BCR: variants seen among roughly 807,000 people sequenced by gnomAD.
BCR encodes BCR activator of RhoGEF and GTPase, also known as breakpoint cluster region protein.
A neutral mutation model predicts 138.6 loss-of-function variants in BCR; 58 were observed. The ratio of observed to expected loss-of-function variants is 0.42; its 90% CI spans 0.34 to 0.52. The LOEUF (loss-of-function observed/expected upper bound fraction) is 0.52. Among genes scored for constraint, BCR ranks in the 20% least tolerant of loss-of-function variants. The pLI, the probability that BCR is intolerant of heterozygous loss-of-function variation, is 0.06. For missense variants in BCR, 1,599 were observed against 1,727.2 expected, an observed-to-expected ratio of 0.93 and a Z score of 1.32; for synonymous variants, 786 against 730.1, an observed-to-expected ratio of 1.08 and a Z score of -1.23.
In BCR at chr22:23,309,439, C is replaced by T. The variant is rs1215998192; in HGVS notation, c.3028C>T (p.Leu1010=). The T allele has an allele frequency of 4.4e-6, 7 of 1,603,532 alleles. No individual in the cohort carries two copies. The East Asian group carries it at 6.7e-5, about 15-fold the overall frequency. Residue 1010 remains leucine, a synonymous_variant, in exon 17 of 23, where the codon CTG becomes TTG. Transcript: ENST00000305877. ...TTCCTTTCAGCTGGACCCGCAGGCCCTGCAGGACAGAGACTGGCAGCGCAC... is the reference window on the plus strand; with the variant it reads ...TTCCTTTCAGCTGGACCCGCAGGCCTTGCAGGACAGAGACTGGCAGCGCAC... ...KGQVQLDPQA[L]QDRDWQRTVI...
Position 23,181,939 on chromosome 22 carries a change from G to GGC in BCR, c.980_981dup (p.Tyr328AlafsTer172). On this transcript the variant is annotated frameshift_variant, in exon 1 of 23. Coordinates refer to ENST00000305877, the MANE Select transcript of BCR (RefSeq NM_004327.4). LOFTEE classifies it high-confidence loss of function. ...CCGGAGTTTTGAGGATTGCGGAGGC[G>GGC]GCTATACCCCGGACTGCAGCTCCAA... 1.9e-6 allele frequency: 3 copies of GGC among 1,613,046 alleles called. No homozygotes were observed. Among genetic ancestry groups the GGC allele is most frequent in the Non-Finnish European group, 2.5e-6 (3 of 1,179,912 alleles).
At chr22:23,214,487 G>C (rs2072726015) in intron 1 of BCR, among the ~76,000 whole-genome samples, 1 of 152,230 alleles carries the variant, frequency 6.6e-6, no homozygotes, top group African/African-American at 2.4e-5. Context: ...GGCAGCCCCA[G>C]CCTTCCACCT....
chr22:23,199,628 G>A (rs950403273), intron 1 of BCR, among the ~76,000 whole-genome samples: 1 of 152,172 alleles, frequency 6.6e-6, no homozygotes, highest in Non-Finnish European at 1.5e-5. Context: ...GAAGGTATTG[G>A]TAGGACTGGG....
In BCR at chr22:23,262,927, C is replaced by A. The variant is rs3747101; in HGVS notation, c.1752+1387C>A. ...GCGAGGACACGCCCAAGAGAGGAAG[C>A]AGAGGGAGGCGGAAGCGTGGAGGAA... On this transcript the variant is annotated intron_variant, in intron 4 of 22. Coordinates refer to ENST00000305877, the MANE Select transcript of BCR (RefSeq NM_004327.4). 4.8e-4 allele frequency: 529 copies of A among 1,102,078 alleles called. 7 individuals are homozygous for A. In the East Asian group the frequency reaches 0.024, roughly 51 times the overall value. 68.3% of individuals were successfully genotyped at this position (1,102,078 alleles called of 1,614,324 possible).
chr22:23,293,426 A>G (rs1405478346), intron 15 of BCR, among the ~76,000 whole-genome samples: 1 of 152,184 alleles, frequency 6.6e-6, no homozygotes, highest in Non-Finnish European at 1.5e-5. Flanking sequence ...CTTTCTCAGC[A>G]TCCACTACTC....
At chr22:23,182,958 C>T (rs1489416615) in intron 1 of BCR, among the ~76,000 whole-genome samples, 1 of 152,166 alleles carries the variant, frequency 6.6e-6, no homozygotes, top group Non-Finnish European at 1.5e-5. Flanking sequence ...GAGGCTTCAC[C>T]CATGATTATT....
At chr22:23,241,505 G>T (rs2073091823) in intron 1 of BCR, among the ~76,000 whole-genome samples, 1 of 152,116 alleles carries the variant, frequency 6.6e-6, no homozygotes, top group South Asian at 2.1e-4. Flanking sequence ...CCACACCAGG[G>T]CACTGTTCCC....
At chr22:23,248,566 C>G (rs533943029) in intron 1 of BCR, among the ~76,000 whole-genome samples, 4 of 151,922 alleles carry the variant, frequency 2.6e-5, no homozygotes, top group Non-Finnish European at 1.5e-5. Flanking sequence ...TGCCCTTTTT[C>G]CTTTTATGAA....
Position 23,306,672 on chromosome 22 carries a change from C to G in BCR, c.3013-2752C>G, listed in dbSNP as rs937595718. The G allele has an allele frequency of 3.9e-5, 6 of 152,258 alleles. No individual in the cohort carries two copies. In the East Asian group the frequency reaches 1.2e-3, roughly 29 times the overall value. The allele number at this position is 152,258 out of a possible 1,614,324, so 9.4% of individuals were successfully genotyped here. On this transcript the variant is annotated intron_variant, in intron 16 of 22. Transcript: ENST00000305877. ...CCCGGAGGTGATGGGAAGCTTTGAC[C>G]TTGGCCAGCCAGACTGCGGGGTGGG...
At chr22:23,252,025 A>C (rs558842003) in intron 1 of BCR, among the ~76,000 whole-genome samples, 1 of 152,352 alleles carries the variant, frequency 6.6e-6, no homozygotes, top group Admixed American at 6.5e-5. Flanking sequence ...GATTATCTCC[A>C]GGTGCCTCTG....
At chr22:23,265,215 C>T (rs181076670) in intron 4 of BCR, among the ~76,000 whole-genome samples, 2 of 152,212 alleles carry the variant, frequency 1.3e-5, no homozygotes, top group Non-Finnish European at 2.9e-5. Context: ...TACCTTCATG[C>T]GTCAGATGAT....
Position 23,264,025 on chromosome 22 carries a change from A to G in BCR, c.1752+2485A>G. ...GCTGGGGTGCTGGATGTCATATATG[A>G]GTCCCCTTTCGCACTGCTCTCCTGT... On this transcript the variant is annotated intron_variant, in intron 4 of 22. Coordinates refer to ENST00000305877, the MANE Select transcript of BCR (RefSeq NM_004327.4). 4.4e-6 allele frequency: 4 copies of G among 917,056 alleles called. No individual in the cohort carries two copies. The South Asian group carries it at 5.2e-5, about 12-fold the overall frequency. The allele number at this position is 917,056 out of a possible 1,614,324, so 56.8% of individuals were successfully genotyped here.
intron 1 of BCR, among the ~76,000 whole-genome samples, chr22:23,231,747 G>T (rs2146244199): frequency 1.3e-5 from 2 of 152,292 alleles, no homozygotes; most frequent in South Asian, 4.1e-4. Flanking sequence ...ATCTGGCCAG[G>T]CTCATGGAGC....
At chr22:23,198,789 TG>T (rs1201491366) in intron 1 of BCR, among the ~76,000 whole-genome samples, 2 of 152,146 alleles carry the variant, frequency 1.3e-5, no homozygotes, top group African/African-American at 4.8e-5. Flanking sequence ...GGCCCGCCCT[TG>T]TTCCCTGGAG....
At chr22:23,314,451 C>CA in intron 21 of BCR, 101 bp from the exon 22 acceptor site, 1 of 1,352,608 alleles carries the variant, frequency 7.4e-7, no homozygotes, top group Non-Finnish European at 1.0e-6. Flanking sequence ...CAGCCAGGGT[C>CA]GAGGTCACTC....
At chr22:23,294,251 A>T (rs1429612296) in intron 15 of BCR, among the ~76,000 whole-genome samples, 1 of 152,106 alleles carries the variant, frequency 6.6e-6, no homozygotes, top group African/African-American at 2.4e-5. Flanking sequence ...TTCATAGTTG[A>T]TGTTAGGTAG....
At chr22:23,300,572 G>C (rs1160678930) in intron 16 of BCR, among the ~76,000 whole-genome samples, 1 of 152,200 alleles carries the variant, frequency 6.6e-6, no homozygotes, top group African/African-American at 2.4e-5. Context: ...ACATCCATGG[G>C]CTCTCGGGGG....
rs768857111 is a variant in BCR at position 23,261,000 on chromosome 22, G to A, written c.1512G>A (p.Ser504=). The A allele has an allele frequency of 1.5e-5, 25 of 1,613,856 alleles. No homozygotes were observed. The Admixed American group carries it at 1.8e-4, about 12-fold the overall frequency. ...TGGAGATGAGAAAATGGGTCCTGTC[G>A]GGAATCCTGGCTAGCGAGGAGACTT... ...KGLEMRKWVL[S]GILASEETYL... The change falls in exon 3 of 23, where the codon TCG becomes TCA. Residue 504 remains serine (S), a synonymous_variant. Coordinates refer to ENST00000305877, the MANE Select transcript of BCR (RefSeq NM_004327.4).
At chr22:23,192,418 G>A (rs991421931) in intron 1 of BCR, among the ~76,000 whole-genome samples, 1 of 152,230 alleles carries the variant, frequency 6.6e-6, no homozygotes, top group Non-Finnish European at 1.5e-5. Flanking sequence ...GGCACCTGCT[G>A]TGTTGGGCAC....
Sources: gnomAD v4.1 joint callset for allele counts (sites outside exome capture counted in the v4.1 genomes callset) on GRCh38, gnomAD v4.1.1 for gene constraint, MANE v1.5 for transcripts, NCBI Gene and HGNC (gene_info 2026-07-23, HGNC 2026-07-21) for gene names.